Variants in MLLT3 observed in about 807,000 individuals in gnomAD.
MLLT3 encodes MLLT3 super elongation complex subunit.
Under a neutral mutation model 53.2 loss-of-function variants are expected in MLLT3, and 4 were observed. That is an observed-to-expected ratio of 0.08 (90% confidence interval 0.04 to 0.17). The LOEUF (loss-of-function observed/expected upper bound fraction) is 0.17, where lower values mean the gene tolerates loss of function less well. Among genes scored for constraint, MLLT3 ranks in the 10% least tolerant of loss-of-function variants. The probability of loss-of-function intolerance (pLI) is 1.00; values close to 1 mark genes in which losing one functional copy is unlikely to be tolerated. For missense variants in MLLT3, 569 were observed against 684.0 expected (o/e 0.83, Z 1.87); for synonymous variants, 283 against 230.6 (o/e 1.23, Z -2.06).
Position 20,341,707 on chromosome 9 carries a change from T to C in MLLT3, c.*4736A>G. The C allele has an allele frequency of 5.4e-6, 1 of 184,236 alleles. No individual in the cohort carries two copies. The highest frequency in any genetic ancestry group is 1.2e-5 in the Non-Finnish European group (1 of 86,946). 11.4% of individuals were successfully genotyped at this position (184,236 alleles called of 1,614,324 possible). A position where few individuals can be genotyped will look rare whatever the true frequency, so the allele number is the denominator to read the frequency against. ...TGAATGTATTTTATTCTCTTTGTTG[T>C]AGTAGTTGTTCTCCTTCCTGTCTAA... On this transcript the variant is annotated 3_prime_UTR_variant, in exon 11 of 11. Transcript: ENST00000380338.
intron 2 of MLLT3, among the ~76,000 whole-genome samples, chr9:20,499,506 T>A (rs1374045901): frequency 2.6e-5 from 4 of 152,188 alleles, no homozygotes; most frequent in Non-Finnish European, 4.4e-5. Flanking sequence ...AAACACACAC[T>A]GAACAATAAA....
At chr9:20,566,015 TA>T (rs1399604877) in intron 2 of MLLT3, among the ~76,000 whole-genome samples, 38 of 129,020 alleles carry the variant, frequency 2.9e-4, no homozygotes, top group Non-Finnish European at 4.7e-4. Context: ...TATATATTTT[TA>T]TATATATTTA....
intron 5 of MLLT3, among the ~76,000 whole-genome samples, chr9:20,407,407 C>T (rs1339716174): frequency 1.3e-5 from 2 of 152,170 alleles, no homozygotes; most frequent in Admixed American, 6.5e-5. Context: ...GGATGTTTCA[C>T]AGCTCTTCCC....
rs1237666008 is a variant in MLLT3, at chr9:20,343,570, G to C, written c.*2873C>G. On this transcript the variant is annotated 3_prime_UTR_variant, in exon 11 of 11. Transcript: ENST00000380338. Reference sequence around the variant, plus strand: ...TCCTGCTGCAAAACCAGAGGCAAAAGCTAAGTTATAAGGGGGCAGAGGGGC... The same window carrying C: ...TCCTGCTGCAAAACCAGAGGCAAAACCTAAGTTATAAGGGGGCAGAGGGGC... 4 of 229,572 alleles carry C rather than the reference G, an allele frequency of 1.7e-5. No individual in the cohort carries two copies. The highest frequency in any genetic ancestry group is 1.3e-3 in the Middle Eastern group (1 of 780). The allele number at this position is 229,572 out of a possible 1,614,324, so 14.2% of individuals were successfully genotyped here. A position where few individuals can be genotyped will look rare whatever the true frequency, so the allele number is the denominator to read the frequency against.
At chr9:20,526,197 A>G (rs531777512) in intron 2 of MLLT3, among the ~76,000 whole-genome samples, 1 of 152,312 alleles carries the variant, frequency 6.6e-6, no homozygotes, top group African/African-American at 2.4e-5. Context: ...AAGCTTATCA[A>G]AGACTAGTGT....
At chr9:20,484,509 T>C (rs1020239493) in intron 2 of MLLT3, among the ~76,000 whole-genome samples, 2 of 152,166 alleles carry the variant, frequency 1.3e-5, no homozygotes, top group East Asian at 1.9e-4. Context: ...TTTTGGCTTT[T>C]ACTCCCTCAA....
chr9:20,499,187 C>T (rs963580506), intron 2 of MLLT3, among the ~76,000 whole-genome samples: 4 of 152,154 alleles, frequency 2.6e-5, no homozygotes, highest in African/African-American at 7.2e-5. Flanking sequence ...ATAAAGACAG[C>T]AGTCACTGGA....
intron 10 of MLLT3, among the ~76,000 whole-genome samples, chr9:20,349,691 G>A (rs534753546): frequency 9.2e-5 from 14 of 152,192 alleles, no homozygotes; most frequent in African/African-American, 3.4e-4. Context: ...AAACACTTTT[G>A]CCCACTAGAA....
At chr9:20,476,912 T>C (rs1279455451) in intron 2 of MLLT3, among the ~76,000 whole-genome samples, 8 of 152,212 alleles carry the variant, frequency 5.3e-5, no homozygotes, top group Admixed American at 5.2e-4. Context: ...ATCTATCCTT[T>C]AAAACAAACA....
intron 2 of MLLT3, among the ~76,000 whole-genome samples, chr9:20,471,377 AAAGTC>A (rs1156983952): frequency 3.9e-5 from 6 of 152,048 alleles, no homozygotes; most frequent in Admixed American, 1.3e-4. Flanking sequence ...AAATATTCAG[AAAGTC>A]AAGGAGGACT....
intron 4 of MLLT3, among the ~76,000 whole-genome samples, chr9:20,426,840 A>C (rs1208480898): frequency 1.3e-5 from 2 of 152,144 alleles, no homozygotes; most frequent in South Asian, 4.1e-4. Context: ...GAAACATAAA[A>C]GGCAGGCCAT....
At chr9:20,514,833 C>T (rs1817863887) in intron 2 of MLLT3, among the ~76,000 whole-genome samples, 1 of 151,982 alleles carries the variant, frequency 6.6e-6, no homozygotes, top group Admixed American at 6.6e-5. Context: ...AAAGCATCTT[C>T]CAAGAAACCA....
At chr9:20,355,235 C>T (rs1485169204) in intron 8 of MLLT3, among the ~76,000 whole-genome samples, 2 of 152,064 alleles carry the variant, frequency 1.3e-5, no homozygotes, top group African/African-American at 2.4e-5. Flanking sequence ...TTCCCTCTGG[C>T]AAGAATTTTT....
At chr9:20,502,092 A>AGGGGG (rs1563789832) in intron 2 of MLLT3, among the ~76,000 whole-genome samples, 1 of 114,524 alleles carries the variant, frequency 8.7e-6, no homozygotes, top group African/African-American at 2.9e-5. Context: ...AAAAAAAAAA[A>AGGGGG]AGGGGGGGGG....
At chr9:20,487,467 GA>G (rs142989163) in intron 2 of MLLT3, among the ~76,000 whole-genome samples, 1 of 152,048 alleles carries the variant, frequency 6.6e-6, no homozygotes, top group Non-Finnish European at 1.5e-5. Flanking sequence ...ACTCGTAAGA[GA>G]AAAAACCTAA....
At chr9:20,542,236 ATAT>A (rs138993896) in intron 2 of MLLT3, among the ~76,000 whole-genome samples, 48,348 of 135,658 alleles carry the variant, frequency 0.36, 8,064 homozygotes, top group South Asian at 0.45. Flanking sequence ...ATGAGCAGTA[ATAT>A]TTTTTTTTTT....
chr9:20,538,699 C>T (rs1305017626), intron 2 of MLLT3, among the ~76,000 whole-genome samples: 3 of 152,098 alleles, frequency 2.0e-5, no homozygotes, highest in African/African-American at 7.2e-5. Flanking sequence ...TAAGGCATTA[C>T]AAATCGAGTT....
At chr9:20,454,143 G>T (rs1186992368) in intron 3 of MLLT3, among the ~76,000 whole-genome samples, 1 of 151,928 alleles carries the variant, frequency 6.6e-6, no homozygotes, top group East Asian at 1.9e-4. Context: ...CTCACAAAAT[G>T]AATATATGTT....
intron 5 of MLLT3, among the ~76,000 whole-genome samples, chr9:20,372,261 A>C (rs1382985702): frequency 1.3e-5 from 2 of 152,240 alleles, no homozygotes; most frequent in Non-Finnish European, 2.9e-5. Flanking sequence ...TTTAGTCGAT[A>C]AAGCAGTGGC....
Sources: allele counts gnomAD v4.1 joint callset (sites outside exome capture counted in the v4.1 genomes callset), GRCh38; gene constraint gnomAD v4.1.1; transcripts MANE v1.5; gene names NCBI Gene and HGNC (gene_info 2026-07-23, HGNC 2026-07-21).